Variants in ACTL8 observed in about 807,000 individuals in gnomAD.
The protein encoded by ACTL8 is actin-like protein 8.
In ACTL8, 3 loss-of-function variants were observed where a neutral mutation model predicts 9.3. The observed-to-expected ratio is 0.32, with a 90% CI of 0.15 to 0.83. The LOEUF is 0.83. Among genes scored for constraint, ACTL8 ranks in the 40% least tolerant of loss-of-function variants. The pLI, the probability that ACTL8 is intolerant of heterozygous loss-of-function variation, is 0.57. For synonymous variants in ACTL8, 224 were observed against 205.9 expected (o/e 1.09, Z -0.75); for missense variants, 381 against 492.2 (o/e 0.77, Z 2.14).
intron 1 of ACTL8, among the ~76,000 whole-genome samples, chr1:17,803,579 C>T (rs2066338715): frequency 6.6e-6 from 1 of 152,200 alleles, no homozygotes; most frequent in South Asian, 2.1e-4. Flanking sequence ...GATCCATGTG[C>T]CTCGGCCTCT....
At chr1:17,780,958 C>T (rs2066150846) in intron 1 of ACTL8, among the ~76,000 whole-genome samples, 1 of 152,150 alleles carries the variant, frequency 6.6e-6, no homozygotes, top group African/African-American at 2.4e-5. Context: ...AACAAATGAC[C>T]ACAATCTGAA....
chr1:17,826,246 T>C lies in ACTL8; in HGVS notation c.828T>C (p.Ile276=). The C allele has an allele frequency of 6.2e-7, 1 of 1,613,390 alleles. No homozygotes were observed. The highest frequency in any genetic ancestry group is 8.5e-7 in the Non-Finnish European group (1 of 1,179,692). ...EQPGPSIPRA[I]VESVESCEIS... Reference sequence around the variant, plus strand: ...CGGGGCCCAGCATCCCACGGGCCATTGTGGAATCCGTGGAGTCCTGCGAGA... The same window carrying C: ...CGGGGCCCAGCATCCCACGGGCCATCGTGGAATCCGTGGAGTCCTGCGAGA... The change falls in exon 3 of 3, where the codon ATT becomes ATC. Residue 276 remains isoleucine, a synonymous_variant. Transcript: ENST00000375406. This position sits in a 1 kb window ranked among gnomAD's most constrained non-coding sequence, Gnocchi z 4.5.
At chr1:17,805,416 C>T (rs1428603950) in intron 1 of ACTL8, among the ~76,000 whole-genome samples, 4 of 121,532 alleles carry the variant, frequency 3.3e-5, no homozygotes, top group Admixed American at 2.7e-4. Context: ...GATTAAGTCT[C>T]CCTCTGTCAC....
At position 17,819,634 on chromosome 1, in the gene ACTL8, G is replaced by C. The variant is rs539755327; in HGVS notation, c.-24-3351G>C. Among the ~76,000 whole-genome samples, 87 of 152,360 alleles carry C rather than the reference G, an allele frequency of 5.7e-4. 1 individual carries two copies. Among genetic ancestry groups the C allele is most frequent in the African/African-American group, 1.8e-3 (76 of 41,580 alleles). ...ACAGGAAACACCCACATACAGTCTA[G>C]GCACCCAGTCTGCTGTCTGTCTGAC... is the stretch of plus-strand genomic sequence containing the variant. On this transcript the variant is annotated intron_variant, in intron 1 of 2. Coordinates refer to ENST00000375406, the MANE Select transcript of ACTL8 (RefSeq NM_030812.3).
chr1:17,766,247 G>A (rs1248392711), intron 1 of ACTL8, among the ~76,000 whole-genome samples: 2 of 152,194 alleles, frequency 1.3e-5, no homozygotes, highest in African/African-American at 4.8e-5. Context: ...TCACTCCCCT[G>A]TCTTCCCAAA....
intron 1 of ACTL8, among the ~76,000 whole-genome samples, chr1:17,761,759 C>T (rs563797827): frequency 4.6e-5 from 7 of 152,162 alleles, no homozygotes; most frequent in South Asian, 2.1e-4. Flanking sequence ...TTAGTAGAGA[C>T]GGGGTTTCAC....
At chr1:17,782,784 C>T (rs1353417472) in intron 1 of ACTL8, among the ~76,000 whole-genome samples, 1 of 152,202 alleles carries the variant, frequency 6.6e-6, no homozygotes, top group Non-Finnish European at 1.5e-5. Context: ...GGAAAGTACG[C>T]CACAGACTCT....
chr1:17,765,723 C>G (rs1426236064), intron 1 of ACTL8, among the ~76,000 whole-genome samples: 1 of 152,232 alleles, frequency 6.6e-6, no homozygotes, highest in Non-Finnish European at 1.5e-5. Flanking sequence ...TGTCTCCACT[C>G]CCCGGAATGT....
chr1:17,768,114 A>T (rs1184831360), intron 1 of ACTL8, among the ~76,000 whole-genome samples: 2 of 151,774 alleles, frequency 1.3e-5, no homozygotes, highest in Non-Finnish European at 2.9e-5. Context: ...AAGTTGGGCC[A>T]AAAGACTGGC....
intron 1 of ACTL8, among the ~76,000 whole-genome samples, chr1:17,778,568 G>A (rs2066132145): frequency 6.6e-6 from 1 of 152,178 alleles, no homozygotes; most frequent in South Asian, 2.1e-4. Context: ...AGAAGCAGTA[G>A]TAAAAGAAAG....
intron 1 of ACTL8, among the ~76,000 whole-genome samples, chr1:17,799,031 A>G (rs1202518145): frequency 6.6e-6 from 1 of 152,026 alleles, no homozygotes; most frequent in African/African-American, 2.4e-5. Flanking sequence ...TCCCTAAGCG[A>G]TGCCCACTTT....
At chr1:17,805,371 CTTTTTCTTTTT>C (rs547772179) in intron 1 of ACTL8, among the ~76,000 whole-genome samples, 11,886 of 120,002 alleles carry the variant, frequency 0.099, 688 homozygotes, top group Admixed American at 0.14. Context: ...TTTTCTTTTT[CTTTTTCTTTTT>C]TTTTTTTTTT....
chr1:17,800,752 G>T (rs774476488), intron 1 of ACTL8, among the ~76,000 whole-genome samples: 1 of 151,720 alleles, frequency 6.6e-6, no homozygotes, highest in Non-Finnish European at 1.5e-5. Flanking sequence ...GTACCACCAT[G>T]CCTGGCTAAT....
rs1420546846 is a variant in ACTL8 at position 17,768,481 on chromosome 1, T to A, written c.-25+12977T>A. Reference sequence around the variant, plus strand: ...TGGGCACTTGGCTGCTACAAGTACCTCCTGTACCCTAGAAGAGCCACACAT... The same window carrying A: ...TGGGCACTTGGCTGCTACAAGTACCACCTGTACCCTAGAAGAGCCACACAT... On this transcript the variant is annotated intron_variant, in intron 1 of 2. Transcript: ENST00000375406. Among the ~76,000 whole-genome samples, 9 of 150,364 alleles carry A rather than the reference T, an allele frequency of 6.0e-5. No individual in the cohort carries two copies. The Admixed American group carries it at 6.1e-4, about 10-fold the overall frequency.
At chr1:17,774,948 C>T (rs554829020) in intron 1 of ACTL8, among the ~76,000 whole-genome samples, 2 of 152,336 alleles carry the variant, frequency 1.3e-5, no homozygotes, top group South Asian at 4.1e-4. Context: ...CAGTCATCTT[C>T]ATTTACCTGA....
chr1:17,790,812 C>T (rs1266677242), intron 1 of ACTL8, among the ~76,000 whole-genome samples: 1 of 152,252 alleles, frequency 6.6e-6, no homozygotes, highest in African/African-American at 2.4e-5. Flanking sequence ...CCTTAGCCCT[C>T]CCTTGGCTTC....
intron 1 of ACTL8, among the ~76,000 whole-genome samples, chr1:17,760,907 A>C (rs1439996290): frequency 6.6e-6 from 1 of 152,216 alleles, no homozygotes; most frequent in East Asian, 1.9e-4. Context: ...TACTGGCTAT[A>C]AAACCGATCT....
At chr1:17,756,475 C>T (rs1041628083) in intron 1 of ACTL8, among the ~76,000 whole-genome samples, 2 of 152,168 alleles carry the variant, frequency 1.3e-5, no homozygotes, top group Admixed American at 6.5e-5. Context: ...TTGCTCCTTG[C>T]GTCTGCTGTT....
At chr1:17,817,701 C>CT (rs2066437225) in intron 1 of ACTL8, among the ~76,000 whole-genome samples, 1 of 112,910 alleles carries the variant, frequency 8.9e-6, no homozygotes. Flanking sequence ...TTTTTTCTTT[C>CT]TTTCTTTTCT....
Sources: gnomAD v4.1 joint callset for allele counts (sites outside exome capture counted in the v4.1 genomes callset) on GRCh38, gnomAD v4.1.1 for gene constraint, Gnocchi (gnomAD v3.1) non-coding constraint, MANE v1.5 for transcripts, NCBI Gene and HGNC (gene_info 2026-07-23, HGNC 2026-07-21) for gene names.